Variants in SASH1 observed in about 807,000 individuals in gnomAD.
SASH1 encodes the protein SAM and SH3 domain containing 1.
Under a neutral mutation model 125.2 loss-of-function variants are expected in SASH1, and 44 were observed. The observed-to-expected ratio is 0.35, with a 90% CI of 0.28 to 0.45. The LOEUF is 0.45. Ranked by LOEUF, SASH1 falls within the 20% of genes least tolerant of loss-of-function variation. The pLI, the probability that SASH1 is intolerant of heterozygous loss-of-function variation, is 1.00. For missense variants in SASH1, 1,426 were observed against 1,614.5 expected (o/e 0.88, Z 2.00); for synonymous variants, 639 against 649.1 (o/e 0.98, Z 0.24).
chr6:148,541,227 G>A (rs1177643377), intron 17 of SASH1, among the ~76,000 whole-genome samples: 1 of 151,320 alleles, frequency 6.6e-6, no homozygotes, highest in Non-Finnish European at 1.5e-5. Context: ...AACTCTTGAA[G>A]GCCGTCATAA....
intron 2 of SASH1, among the ~76,000 whole-genome samples, chr6:148,428,637 A>AAAAAAAAAAAAAG (rs1775928935): frequency 6.6e-6 from 1 of 151,188 alleles, no homozygotes; most frequent in Non-Finnish European, 1.5e-5. Flanking sequence ...CTCAAAAAAA[A>AAAAAAAAAAAAAG]AAAAAGAGAA....
intron 9 of SASH1, 67 bp downstream of exon 9, chr6:148,514,523 T>A (rs1780334777): frequency 7.2e-7 from 1 of 1,386,612 alleles, no homozygotes; most frequent in Non-Finnish European, 9.3e-7. Context: ...AAGAAATCAT[T>A]TGGGGTCAGT....
chr6:148,253,855 A>T, the SASH1 span, among the ~76,000 whole-genome samples: 327 of 152,262 alleles, frequency 2.1e-3, no homozygotes, highest in Non-Finnish European at 3.4e-3. Flanking sequence ...CTGGTGACAG[A>T]GCGAGACTCT....
chr6:148,386,380 C>T (rs547461091), intron 1 of SASH1, among the ~76,000 whole-genome samples: 43 of 152,162 alleles, frequency 2.8e-4, no homozygotes, highest in Admixed American at 1.5e-3. Flanking sequence ...TAGTCCAAGA[C>T]GACGGTTGGT....
At chr6:148,349,966 C>T (rs894645321) in intron 1 of SASH1, among the ~76,000 whole-genome samples, 6 of 152,036 alleles carry the variant, frequency 3.9e-5, no homozygotes, top group African/African-American at 9.7e-5. Context: ...CTGCCTCAGC[C>T]TCCTGCGCAG....
chr6:148,280,397 A>T (rs1460114695), intron 1 of SASH1: 1 of 152,110 alleles, frequency 6.6e-6, no homozygotes, highest in Non-Finnish European at 1.5e-5. Context: ...TGGTCCACAA[A>T]TGGATATAAT....
chr6:148,398,281 C>T (rs914381406), intron 2 of SASH1, among the ~76,000 whole-genome samples: 1 of 152,200 alleles, frequency 6.6e-6, no homozygotes, highest in African/African-American at 2.4e-5. Flanking sequence ...AATTGTTGAC[C>T]GCTGGGCCAA....
chr6:148,486,399 G>T (rs562411950), intron 7 of SASH1, among the ~76,000 whole-genome samples: 2 of 152,314 alleles, frequency 1.3e-5, no homozygotes, highest in East Asian at 3.9e-4. Flanking sequence ...GGGATTACAG[G>T]TGTGAGCTAC....
chr6:148,531,450 G>C (rs748416123), intron 12 of SASH1, 76 bp from the exon 13 acceptor site: 74 of 1,303,390 alleles, frequency 5.7e-5, no homozygotes, highest in Non-Finnish European at 7.3e-5. Context: ...TTCGTTGAAG[G>C]CCAAGTCGCT....
At chr6:148,272,503 TTTCAGTGCTACTGATGAA>T (rs1779086895) in intron 1 of SASH1, 1 of 365,470 alleles carries the variant, frequency 2.7e-6, no homozygotes, top group Non-Finnish European at 6.2e-6. Context: ...ATCTAGGGAT[TTTCAGTGCTACTGATGAA>T]TTCATCAAAA....
the SASH1 span, among the ~76,000 whole-genome samples, chr6:148,217,097 G>A: frequency 6.6e-6 from 1 of 152,110 alleles, no homozygotes; most frequent in Non-Finnish European, 1.5e-5. Context: ...CTTAGGTTAG[G>A]GAGTTAAATG....
At chr6:148,391,368 A>G (rs888795261) in intron 2 of SASH1, among the ~76,000 whole-genome samples, 2 of 151,526 alleles carry the variant, frequency 1.3e-5, no homozygotes, top group African/African-American at 4.9e-5. Flanking sequence ...TTGGCCTCCC[A>G]AAGTGTTGGG....
upstream of SASH1, among the ~76,000 whole-genome samples, chr6:148,339,841 G>A (rs967204076): frequency 4.6e-5 from 7 of 152,112 alleles, no homozygotes; most frequent in African/African-American, 1.4e-4. Context: ...CACCATGCCC[G>A]GCCCGTTTAA....
intron 4 of SASH1, among the ~76,000 whole-genome samples, chr6:148,449,078 C>CTTTTTTTTTTCTTTTTTTTTCTTTTTT (rs1776957824): frequency 1.1e-5 from 1 of 88,736 alleles, no homozygotes; most frequent in African/African-American, 4.3e-5. Context: ...CATTTCATTT[C>CTTTTTTTTTTCTTTTTTTTTCTTTTTT]TTTTTTTTTT....
chr6:148,304,416 C>A (rs1321277935), intron 1 of SASH1, among the ~76,000 whole-genome samples: 17 of 142,102 alleles, frequency 1.2e-4, no homozygotes, highest in African/African-American at 4.3e-4. Flanking sequence ...GCCTGGGCGA[C>A]AGAGTGACTC....
At chr6:148,513,947 C>G (rs1053731103) in intron 8 of SASH1, 7 of 993,340 alleles carry the variant, frequency 7.0e-6, no homozygotes, top group African/African-American at 5.2e-5. Context: ...ATGGGCCAGA[C>G]AGATGAGAGC....
intron 7 of SASH1, among the ~76,000 whole-genome samples, chr6:148,477,637 T>A (rs1447329649): frequency 1.3e-5 from 2 of 151,482 alleles, no homozygotes; most frequent in African/African-American, 4.9e-5. Flanking sequence ...GTGATTCTCC[T>A]GCATCGGCGT....
At chr6:148,216,852 T>C in the SASH1 span, among the ~76,000 whole-genome samples, 3 of 152,048 alleles carry the variant, frequency 2.0e-5, no homozygotes, top group Non-Finnish European at 4.4e-5. Context: ...TGCCTCAGGC[T>C]CCCGAGTAGC....
chr6:148,509,955 TC>T (rs1370221492), intron 8 of SASH1, among the ~76,000 whole-genome samples: 1 of 152,216 alleles, frequency 6.6e-6, no homozygotes, highest in Non-Finnish European at 1.5e-5. Flanking sequence ...TCCACCCTCC[TC>T]CGGGTGCCAG....
Sources: allele counts gnomAD v4.1 joint callset (sites outside exome capture counted in the v4.1 genomes callset), GRCh38; gene constraint gnomAD v4.1.1; transcripts MANE v1.5; gene names NCBI Gene and HGNC (gene_info 2026-07-23, HGNC 2026-07-21).